ACYP2: variants seen among roughly 807,000 people sequenced by gnomAD.
ACYP2 encodes the protein acylphosphatase-2.
Under a neutral mutation model 11.2 loss-of-function variants are expected in ACYP2, and 12 were observed. The observed-to-expected ratio is 1.08, with a 90% CI of 0.69 to 1.74. The LOEUF is 1.74. Ranked by LOEUF, ACYP2 falls within the 40% of genes most tolerant of loss-of-function variation. The pLI, the probability that ACYP2 is intolerant of heterozygous loss-of-function variation, is 0.00. For missense variants in ACYP2, 134 were observed against 101.9 expected (o/e 1.31, Z -1.35); for synonymous variants, 43 against 32.2 (o/e 1.33, Z -1.13).
chr2:54,265,393 C>A (rs13423343), intron 6 of ACYP2, among the ~76,000 whole-genome samples: 26,426 of 152,068 alleles, frequency 0.17, 2,528 homozygotes, highest in African/African-American at 0.27. Context: ...GAAAGACCCA[C>A]CCCCATGATT....
intron 4 of ACYP2, among the ~76,000 whole-genome samples, chr2:54,062,319 C>G (rs974522163): frequency 2.6e-5 from 4 of 152,280 alleles, no homozygotes; most frequent in African/African-American, 9.6e-5. Flanking sequence ...TGAGTCTGAC[C>G]TCCCCAATCA....
At chr2:54,204,427 CTGGATTATA>C (rs1338435941) in intron 6 of ACYP2, among the ~76,000 whole-genome samples, 1 of 151,962 alleles carries the variant, frequency 6.6e-6, no homozygotes, top group Non-Finnish European at 1.5e-5. Flanking sequence ...TTGGACACCC[CTGGATTATA>C]TCTTGCCTGG....
chr2:54,298,061 A>G (rs1208640531), intron 6 of ACYP2, among the ~76,000 whole-genome samples: 1 of 152,202 alleles, frequency 6.6e-6, no homozygotes, highest in African/African-American at 2.4e-5. Context: ...ATATTCTAAA[A>G]CTATAATAAT....
intron 6 of ACYP2, among the ~76,000 whole-genome samples, chr2:54,171,868 A>G (rs1572886870): frequency 6.6e-6 from 1 of 152,100 alleles, no homozygotes; most frequent in African/African-American, 2.4e-5. Flanking sequence ...GCTTTTCTTT[A>G]AAAAGGTGCC....
intron 6 of ACYP2, among the ~76,000 whole-genome samples, chr2:54,252,833 G>A (rs564752068): frequency 6.6e-6 from 1 of 152,062 alleles, no homozygotes; most frequent in African/African-American, 2.4e-5. Flanking sequence ...GAACCTGGGA[G>A]GCGGAGCTTG....
chr2:54,242,726 A>G (rs1686783515), intron 6 of ACYP2, among the ~76,000 whole-genome samples: 1 of 152,136 alleles, frequency 6.6e-6, no homozygotes, highest in South Asian at 2.1e-4. Flanking sequence ...GCGCCATTGC[A>G]CTCCAGTCTA....
At chr2:54,144,084 C>T (rs1274824520) in intron 6 of ACYP2, among the ~76,000 whole-genome samples, 2 of 152,092 alleles carry the variant, frequency 1.3e-5, no homozygotes, top group African/African-American at 4.8e-5. Context: ...ATGCTTCCAT[C>T]TCAGCCACCC....
chr2:54,176,566 A>C (rs753815527), intron 6 of ACYP2, among the ~76,000 whole-genome samples: 12 of 152,214 alleles, frequency 7.9e-5, no homozygotes, highest in Non-Finnish European at 1.8e-4. Flanking sequence ...ACAACAGAAA[A>C]TTAGTTTTGT....
At chr2:53,975,456 A>G (rs2104505470) in intron 2 of ACYP2, 1 of 390,486 alleles carries the variant, frequency 2.6e-6, no homozygotes, top group Non-Finnish European at 4.5e-6. Context: ...ACAGTAACCC[A>G]AAGTCTGGGG....
chr2:54,152,552 C>A (rs1422360270), intron 6 of ACYP2, among the ~76,000 whole-genome samples: 1 of 152,014 alleles, frequency 6.6e-6, no homozygotes, highest in Non-Finnish European at 1.5e-5. Context: ...CTTATTCATC[C>A]CTCCTTCTCT....
chr2:54,112,258 C>T (rs1276220861), intron 4 of ACYP2, among the ~76,000 whole-genome samples: 1 of 152,106 alleles, frequency 6.6e-6, no homozygotes, highest in East Asian at 1.9e-4. Context: ...TAATTTCAAC[C>T]AGTAGTAACA....
chr2:53,977,570 TA>T (rs1671555661), intron 2 of ACYP2, among the ~76,000 whole-genome samples: 1 of 151,670 alleles, frequency 6.6e-6, no homozygotes, highest in Non-Finnish European at 1.5e-5. Context: ...CCATGTCTAC[TA>T]AAAATACAAA....
intron 6 of ACYP2, among the ~76,000 whole-genome samples, chr2:54,198,271 T>A (rs1484505806): frequency 1.3e-5 from 2 of 152,126 alleles, no homozygotes; most frequent in Non-Finnish European, 2.9e-5. Flanking sequence ...TGCCTCGGCC[T>A]CCCAAAGTGC....
At chr2:54,049,776 T>C (rs1558494729) in intron 2 of ACYP2, among the ~76,000 whole-genome samples, 3 of 152,344 alleles carry the variant, frequency 2.0e-5, no homozygotes, top group Middle Eastern at 3.4e-3. Flanking sequence ...CTTTGGCCAT[T>C]GGGAGCTCTT....
chr2:54,063,787 G>A (rs1441060678), intron 4 of ACYP2, among the ~76,000 whole-genome samples: 2 of 152,120 alleles, frequency 1.3e-5, no homozygotes, highest in Admixed American at 6.5e-5. Context: ...TCACCCATGG[G>A]TGTGCCATCT....
At chr2:54,060,059 C>T (rs1161326009) in intron 4 of ACYP2, among the ~76,000 whole-genome samples, 1 of 152,162 alleles carries the variant, frequency 6.6e-6, no homozygotes, top group Admixed American at 6.5e-5. Flanking sequence ...TTGGGCTGAG[C>T]ACTTAATGGG....
intron 2 of ACYP2, among the ~76,000 whole-genome samples, chr2:53,989,981 C>CTTTT (rs112395166): frequency 7.0e-6 from 1 of 143,184 alleles, no homozygotes; most frequent in Non-Finnish European, 1.5e-5. Flanking sequence ...CTTTTCTTTT[C>CTTTT]TTTTTTTTTT....
At chr2:54,213,722 C>G (rs561449639) in intron 6 of ACYP2, among the ~76,000 whole-genome samples, 11 of 152,096 alleles carry the variant, frequency 7.2e-5, no homozygotes, top group African/African-American at 2.6e-4. Flanking sequence ...TGTATGCGTT[C>G]ATTTGAGAAC....
intron 2 of ACYP2, among the ~76,000 whole-genome samples, chr2:53,983,836 A>G (rs1265076478): frequency 6.6e-6 from 1 of 152,204 alleles, no homozygotes; most frequent in African/African-American, 2.4e-5. Flanking sequence ...AGAAAGACCA[A>G]GAGTTTTCAA....
Sources: gnomAD v4.1 joint callset for allele counts (sites outside exome capture counted in the v4.1 genomes callset) on GRCh38, gnomAD v4.1.1 for gene constraint, MANE v1.5 for transcripts, NCBI Gene and HGNC (gene_info 2026-07-23, HGNC 2026-07-21) for gene names.